Variants in USH2A observed in about 807,000 individuals in gnomAD.
The protein encoded by USH2A is usherin, also known as Usher syndrome 2A (autosomal recessive, mild).
Under a neutral mutation model 538.9 loss-of-function variants are expected in USH2A, and 443 were observed. The ratio of observed to expected loss-of-function variants is 0.82; its 90% CI spans 0.76 to 0.89. The LOEUF (loss-of-function observed/expected upper bound fraction) is 0.89, where lower values mean the gene tolerates loss of function less well. Among genes scored for constraint, USH2A ranks in the 40% least tolerant of loss-of-function variants. The pLI is 0.00. For synonymous variants in USH2A, 2,413 were observed against 2,273.5 expected, an observed-to-expected ratio of 1.06 and a Z score of -1.75; for missense variants, 6,633 against 6,324.8, an observed-to-expected ratio of 1.05 and a Z score of -1.65.
intron 64 of USH2A, among the ~76,000 whole-genome samples, chr1:215,651,193 C>A (rs935124057): frequency 6.6e-6 from 1 of 152,066 alleles, no homozygotes; most frequent in Non-Finnish European, 1.5e-5. Context: ...TTGTCCCCAC[C>A]AAATCTGCAT....
intron 61 of USH2A, among the ~76,000 whole-genome samples, chr1:215,722,709 T>C (rs959152854): frequency 6.6e-6 from 1 of 152,190 alleles, no homozygotes; most frequent in Admixed American, 6.5e-5. Flanking sequence ...CCATATAATT[T>C]GCTTATTTCT....
At chr1:215,836,501 A>ATC (rs1663510963) in intron 47 of USH2A, among the ~76,000 whole-genome samples, 1 of 18,818 alleles carries the variant, frequency 5.3e-5, no homozygotes, top group Non-Finnish European at 8.7e-5. Flanking sequence ...TATATATAAT[A>ATC]TATATTATAT....
At chr1:215,706,697 T>C (rs907972217) in intron 61 of USH2A, among the ~76,000 whole-genome samples, 1 of 152,204 alleles carries the variant, frequency 6.6e-6, no homozygotes, top group Admixed American at 6.5e-5. Flanking sequence ...ATTTAAATTT[T>C]CCCCTTTTCT....
intron 21 of USH2A, among the ~76,000 whole-genome samples, chr1:216,124,424 A>T (rs1385101172): frequency 6.6e-6 from 1 of 152,132 alleles, no homozygotes; most frequent in Non-Finnish European, 1.5e-5. Flanking sequence ...TAAAGGAAAA[A>T]AAAAGCTAAT....
chr1:216,116,606 A>G (rs1387330089), intron 21 of USH2A, among the ~76,000 whole-genome samples: 1 of 152,170 alleles, frequency 6.6e-6, no homozygotes, highest in Non-Finnish European at 1.5e-5. Context: ...GGAAAAAATT[A>G]GAGTCCCAGA....
intron 20 of USH2A, among the ~76,000 whole-genome samples, chr1:216,182,077 A>AG (rs1398817248): frequency 6.6e-6 from 1 of 152,070 alleles, no homozygotes; most frequent in African/African-American, 2.4e-5. Flanking sequence ...AATTAAAAGG[A>AG]GGGGGCACTG....
chr1:216,421,778 AT>A, intron 2 of USH2A, 73 bp downstream of exon 2: 2 of 1,608,310 alleles, frequency 1.2e-6, no homozygotes, highest in Non-Finnish European at 1.7e-6. Flanking sequence ...CCGGTTTGGA[AT>A]TCAGGCTGAA....
intron 3 of USH2A, among the ~76,000 whole-genome samples, chr1:216,374,769 C>A (rs115161456): frequency 1.3e-5 from 2 of 152,092 alleles, no homozygotes; most frequent in Non-Finnish European, 2.9e-5. Context: ...CATACAGCTG[C>A]ATTCTGGATC....
chr1:215,892,234 G>T (rs879882725), intron 40 of USH2A, among the ~76,000 whole-genome samples: 2 of 152,114 alleles, frequency 1.3e-5, no homozygotes, highest in Non-Finnish European at 2.9e-5. Context: ...CAGTGGTTTT[G>T]TGAGTCTTCT....
intron 38 of USH2A, among the ~76,000 whole-genome samples, chr1:215,920,348 T>A (rs998231187): frequency 1.2e-4 from 19 of 152,092 alleles, no homozygotes; most frequent in Non-Finnish European, 1.5e-5. Context: ...ACAACCAGTC[T>A]GCTGTTTCCT....
intron 37 of USH2A, among the ~76,000 whole-genome samples, chr1:215,945,693 T>C (rs533794111): frequency 1.2e-4 from 19 of 152,272 alleles, no homozygotes; most frequent in African/African-American, 4.3e-4. Context: ...TTATCTTCTT[T>C]CTAAACATGT....
At chr1:216,019,421 G>A (rs938713104) in intron 32 of USH2A, among the ~76,000 whole-genome samples, 1 of 152,132 alleles carries the variant, frequency 6.6e-6, no homozygotes, top group Non-Finnish European at 1.5e-5. Flanking sequence ...TTGTAGTAAT[G>A]AATGCAATGG....
intron 16 of USH2A, among the ~76,000 whole-genome samples, chr1:216,203,721 T>C (rs189578333): frequency 3.9e-5 from 6 of 152,332 alleles, no homozygotes; most frequent in Non-Finnish European, 8.8e-5. Flanking sequence ...ATTTTAAAGA[T>C]GGAAATGAAT....
chr1:216,267,352 T>G (rs1161560445), intron 11 of USH2A, among the ~76,000 whole-genome samples: 1 of 152,054 alleles, frequency 6.6e-6, no homozygotes, highest in East Asian at 1.9e-4. Flanking sequence ...GACAGATATA[T>G]TTCCAGGAAA....
At chr1:215,684,472 A>T (rs1658343287) in intron 61 of USH2A, among the ~76,000 whole-genome samples, 1 of 152,226 alleles carries the variant, frequency 6.6e-6, no homozygotes, top group African/African-American at 2.4e-5. Context: ...AAGCTTCCCA[A>T]CTTAGTCATC....
chr1:215,872,758 T>A (rs1462577492), intron 43 of USH2A, among the ~76,000 whole-genome samples: 1 of 152,036 alleles, frequency 6.6e-6, no homozygotes, highest in Non-Finnish European at 1.5e-5. Flanking sequence ...GTGAATCCCT[T>A]ATGAATGGCT....
intron 32 of USH2A, among the ~76,000 whole-genome samples, chr1:216,021,811 A>T (rs1668851168): frequency 6.6e-6 from 1 of 152,152 alleles, no homozygotes; most frequent in Non-Finnish European, 1.5e-5. Context: ...TATCTGGCAA[A>T]TTGGGTGGTG....
intron 11 of USH2A, among the ~76,000 whole-genome samples, chr1:216,254,992 T>C (rs1026205848): frequency 2.0e-5 from 3 of 152,240 alleles, no homozygotes; most frequent in African/African-American, 7.2e-5. Context: ...TTCTCTATGA[T>C]CATGTGATCA....
intron 27 of USH2A, among the ~76,000 whole-genome samples, chr1:216,073,656 T>C (rs1392401128): frequency 6.6e-6 from 1 of 152,226 alleles, no homozygotes; most frequent in Non-Finnish European, 1.5e-5. Flanking sequence ...TAGCCCCATG[T>C]CTCTTAATTC....
Sources: gnomAD v4.1 joint callset for allele counts (sites outside exome capture counted in the v4.1 genomes callset) on GRCh38, gnomAD v4.1.1 for gene constraint, MANE v1.5 for transcripts, NCBI Gene and HGNC (gene_info 2026-07-23, HGNC 2026-07-21) for gene names.